The following TBC1D32 variants were observed in gnomAD, a reference collection of about 807,000 sequenced individuals.
TBC1D32 encodes TBC1 domain family member 32, also known as protein broad-minded.
TBC1D32 carries 151 observed loss-of-function variants against 170.3 expected under a neutral mutation model. The observed-to-expected ratio is 0.89, with a 90% CI of 0.78 to 1.01. TBC1D32 has a LOEUF of 1.01. Ranked by LOEUF, TBC1D32 falls within the 50% of genes least tolerant of loss-of-function variation. TBC1D32 has a pLI of 0.00. For missense variants in TBC1D32, 1,464 were observed against 1,457.1 expected, an observed-to-expected ratio of 1.00 and a Z score of -0.08; for synonymous variants, 498 against 488.0, an observed-to-expected ratio of 1.02 and a Z score of -0.27.
chr6:121,195,669 C>T (rs1407382588), intron 22 of TBC1D32, among the ~76,000 whole-genome samples: 1 of 152,150 alleles, frequency 6.6e-6, no homozygotes, highest in Non-Finnish European at 1.5e-5. Flanking sequence ...CTTCTCTCCC[C>T]CAGCTTGCAC....
chr6:121,119,462 T>C (rs969150661), intron 26 of TBC1D32, among the ~76,000 whole-genome samples: 2 of 152,114 alleles, frequency 1.3e-5, no homozygotes, highest in Non-Finnish European at 2.9e-5. Flanking sequence ...AACTATATTT[T>C]AATAATCAAA....
intron 11 of TBC1D32, 83 bp from the exon 12 acceptor site, chr6:121,292,276 A>T (rs1470207709): frequency 7.2e-7 from 1 of 1,381,376 alleles, no homozygotes; most frequent in Non-Finnish European, 9.8e-7. Flanking sequence ...TAGACATTAA[A>T]CAAGGCTACA....
chr6:121,264,229 A>C (rs1800151064), intron 15 of TBC1D32, among the ~76,000 whole-genome samples: 1 of 152,182 alleles, frequency 6.6e-6, no homozygotes, highest in Non-Finnish European at 1.5e-5. Context: ...GATGCAATAA[A>C]AAATGAAAAA....
At chr6:121,328,170 A>G (rs1156811128) in intron 1 of TBC1D32, among the ~76,000 whole-genome samples, 3 of 152,168 alleles carry the variant, frequency 2.0e-5, no homozygotes, top group African/African-American at 4.8e-5. Flanking sequence ...TTTGACTGAC[A>G]TGGGTTACAA....
intron 22 of TBC1D32, 88 bp from the exon 23 acceptor site, chr6:121,161,144 A>T (rs556492887): frequency 1.0e-6 from 1 of 996,776 alleles, no homozygotes; most frequent in African/African-American, 1.6e-5. Context: ...TAAAGAAAAA[A>T]GGCAAAAATA....
chr6:121,241,390 C>T, intron 19 of TBC1D32, 75 bp downstream of exon 19: 1 of 1,214,340 alleles, frequency 8.2e-7, no homozygotes, highest in Non-Finnish European at 1.2e-6. Flanking sequence ...CTTAATTGTG[C>T]CAGTTAAATT....
chr6:121,331,500 A>G (rs1340972139), intron 1 of TBC1D32, among the ~76,000 whole-genome samples: 1 of 151,960 alleles, frequency 6.6e-6, no homozygotes, highest in Admixed American at 6.6e-5. Flanking sequence ...GATTACAGGC[A>G]TGAGCCACCA....
At chr6:121,318,937 T>A (rs1219838831) in intron 2 of TBC1D32, among the ~76,000 whole-genome samples, 2 of 151,020 alleles carry the variant, frequency 1.3e-5, no homozygotes, top group Admixed American at 6.6e-5. Context: ...TTATCTCTCA[T>A]AAGAGAAATC....
chr6:121,332,915 C>T (rs970988528), intron 1 of TBC1D32, among the ~76,000 whole-genome samples: 1 of 152,032 alleles, frequency 6.6e-6, no homozygotes, highest in African/African-American at 2.4e-5. Context: ...TAAGTATAAT[C>T]GTAAATACCA....
chr6:121,304,905 A>G, intron 5 of TBC1D32, 72 bp from the exon 6 acceptor site: 1 of 965,550 alleles, frequency 1.0e-6, no homozygotes, highest in East Asian at 2.4e-5. Flanking sequence ...CATTTTTCAC[A>G]CAGTAAAAAC....
chr6:121,176,576 C>T (rs1242734611), intron 22 of TBC1D32, among the ~76,000 whole-genome samples: 2 of 152,118 alleles, frequency 1.3e-5, no homozygotes, highest in African/African-American at 4.8e-5. Flanking sequence ...GGCATCCCTA[C>T]TGTTCAATGT....
chr6:121,126,257 G>A, intron 26 of TBC1D32, 121 bp downstream of exon 26: 2 of 658,732 alleles, frequency 3.0e-6, no homozygotes, highest in Non-Finnish European at 5.1e-6. Context: ...AATGTATATG[G>A]CACCAAGTAA....
chr6:121,273,355 C>G (rs145567576), intron 15 of TBC1D32, among the ~76,000 whole-genome samples: 14,220 of 151,572 alleles, frequency 0.094, 1,159 homozygotes, highest in African/African-American at 0.22. Context: ...ATGGATGAAG[C>G]TGGAAACCAT....
chr6:121,252,133 A>C lies in TBC1D32; in HGVS notation c.2018+3195T>G, dbSNP rs1583406194. The stretch of plus-strand genomic sequence containing the variant: ...ATTTTACACTGTTGGCGGGAGTGTA[A>C]ATTAGTTCAACCATTGTAGAAGACA... On this transcript the variant is annotated intron_variant, in intron 17 of 31. Transcript: ENST00000398212. 2.6e-5 allele frequency among the ~76,000 whole-genome samples: 4 copies of C among 152,300 alleles called. No homozygotes were observed. The East Asian group carries it at 7.7e-4, about 29-fold the overall frequency.
intron 22 of TBC1D32, among the ~76,000 whole-genome samples, chr6:121,184,989 G>A (rs556267913): frequency 2.6e-5 from 4 of 151,592 alleles, no homozygotes; most frequent in Non-Finnish European, 5.9e-5. Flanking sequence ...CAACCTGTAT[G>A]TATTCTCAGA....
rs141632848 is a variant in TBC1D32 at position 121,310,444 on chromosome 6, C to A, written c.564+335G>T. On this transcript the variant is annotated intron_variant, in intron 4 of 31. Coordinates refer to ENST00000398212, the MANE Select transcript of TBC1D32 (RefSeq NM_152730.6). ...TGAAAGTAAAAAAAGAATTAAAAAT[C>A]TTTTTCTTAAGAAATGACTAACTAC... is the stretch of plus-strand genomic sequence containing the variant. Among the ~76,000 whole-genome samples the A allele has an allele frequency of 5.0e-3, 755 of 151,896 alleles. 4 individuals are homozygous for A. Among genetic ancestry groups the A allele is most frequent in the African/African-American group, 0.018 (729 of 41,290 alleles).
At chr6:121,247,744 T>C (rs1168066778) in intron 17 of TBC1D32, among the ~76,000 whole-genome samples, 4 of 98,096 alleles carry the variant, frequency 4.1e-5, no homozygotes, top group African/African-American at 8.3e-5. Context: ...TATACAATAA[T>C]GGATTAGTAC....
intron 22 of TBC1D32, among the ~76,000 whole-genome samples, chr6:121,177,337 G>C (rs1458002187): frequency 6.6e-6 from 1 of 152,096 alleles, no homozygotes; most frequent in African/African-American, 2.4e-5. Context: ...AAAGTCTGTA[G>C]CATCTTCCCT....
At chr6:121,209,608 T>C (rs1792791409) in intron 21 of TBC1D32, among the ~76,000 whole-genome samples, 1 of 152,186 alleles carries the variant, frequency 6.6e-6, no homozygotes, top group South Asian at 2.1e-4. Flanking sequence ...CTTATTTCAT[T>C]TAGCATAAGG....
Sources: gnomAD v4.1 joint callset for allele counts (sites outside exome capture counted in the v4.1 genomes callset) on GRCh38, gnomAD v4.1.1 for gene constraint, MANE v1.5 for transcripts, NCBI Gene and HGNC (gene_info 2026-07-23, HGNC 2026-07-21) for gene names.